Variants in FHIP2B observed in about 807,000 individuals in gnomAD.
FHIP2B encodes FHF complex subunit HOOK interacting protein 2B.
Under a neutral mutation model 84.0 loss-of-function variants are expected in FHIP2B, and 72 were observed. That is an observed-to-expected ratio of 0.86 (90% CI 0.71 to 1.04). FHIP2B has a LOEUF of 1.04. Among genes scored for constraint, FHIP2B ranks in the 50% least tolerant of loss-of-function variants. FHIP2B has a pLI of 0.00. For synonymous variants in FHIP2B, 497 were observed against 418.7 expected (o/e 1.19, Z -2.28); for missense variants, 972 against 968.9 (o/e 1.00, Z -0.04).
chr8:22,094,684 C>T, intron 2 of FHIP2B, 166 bp downstream of exon 2: 1 of 1,456,126 alleles, frequency 6.9e-7, no homozygotes, highest in Admixed American at 2.8e-5. Flanking sequence ...AGACCCAGAG[C>T]CCTGGGCCAC....
intron 4 of FHIP2B, 39 bp from the exon 5 acceptor site, chr8:22,097,678 A>G: frequency 1.2e-6 from 2 of 1,608,064 alleles, no homozygotes; most frequent in Non-Finnish European, 1.7e-6. Context: ...CTCCCCTGCC[A>G]CCCCTCTCCC....
intron 1 of FHIP2B, among the ~76,000 whole-genome samples, chr8:22,093,742 G>T (rs1279016315): frequency 8.4e-5 from 5 of 59,754 alleles, no homozygotes; most frequent in African/African-American, 1.4e-4. Flanking sequence ...TTTGAGATAG[G>T]GTCTCACCTT....
At chr8:22,100,993 T>G (rs1392142509) in intron 12 of FHIP2B, 21 bp downstream of exon 12, 2 of 1,609,676 alleles carry the variant, frequency 1.2e-6, no homozygotes, top group African/African-American at 2.7e-5. Context: ...AGTTAGGCAG[T>G]CTGAACCACT....
At chr8:22,098,757 T>TCCCCAGGGGACTTCTTGCC in intron 7 of FHIP2B, 138 bp downstream of exon 7, 2 of 1,043,586 alleles carry the variant, frequency 1.9e-6, no homozygotes, top group South Asian at 3.3e-5. Flanking sequence ...CTGCAGCTGA[T>TCCCCAGGGGACTTCTTGCC]CCCCAGGGGA....
At chr8:22,090,193 G>A (rs1276467837) in intron 1 of FHIP2B, among the ~76,000 whole-genome samples, 1 of 150,584 alleles carries the variant, frequency 6.6e-6, no homozygotes, top group Non-Finnish European at 1.5e-5. Flanking sequence ...CTGCCAAGAA[G>A]CTGTCTGTAA....
intron 9 of FHIP2B, 122 bp downstream of exon 9, chr8:22,099,482 T>C: frequency 8.4e-7 from 1 of 1,187,904 alleles, no homozygotes; most frequent in South Asian, 1.5e-5. Flanking sequence ...TGGACCCCAT[T>C]GGGTGATGTT....
Position 22,103,217 on chromosome 8 carries a change from T to TG in FHIP2B, c.*287dup. 7 of 450,102 alleles carry TG rather than the reference T, an allele frequency of 1.6e-5. No homozygotes were observed. The highest frequency in any genetic ancestry group is 2.4e-5 in the Non-Finnish European group (6 of 246,078). 27.9% of individuals were successfully genotyped at this position (450,102 alleles called of 1,614,324 possible). On this transcript the variant is annotated 3_prime_UTR_variant, in exon 17 of 17. Transcript: ENST00000289921. ...ACCCAGACCCCAGACCCTCATGTGC[T>TG]GTGTGCCTGGCCCCTTCTGTACTGG...
At chr8:22,094,699 C>T in intron 2 of FHIP2B, 181 bp downstream of exon 2, 1 of 1,425,404 alleles carries the variant, frequency 7.0e-7, no homozygotes, top group Non-Finnish European at 9.1e-7. Context: ...GGCCACTCCA[C>T]TCCTGATGAT....
Position 22,102,236 on chromosome 8 carries a change from C to A in FHIP2B, c.1913C>A (p.Pro638His), listed in dbSNP as rs769252990. ...TCCCGGCTTGCCCTCTTCCCCCACC[C>A]CCATATTCATGAGTACCTGCTGGAT... ...VLSRLALFPH[P>H]HIHEYLLDPY... The change falls in exon 15 of 17, where the codon CCC becomes CAC. Residue 638 changes from proline (P) to histidine (H), a missense_variant. Physicochemically the swap from Pro to His is moderately conservative, Grantham distance 77. Coordinates refer to ENST00000289921, the MANE Select transcript of FHIP2B (RefSeq NM_022749.7). The A allele has an allele frequency of 6.2e-7, 1 of 1,613,410 alleles. No individual in the cohort carries two copies. Among genetic ancestry groups the A allele is most frequent in the South Asian group, 1.1e-5 (1 of 91,088 alleles).
intron 1 of FHIP2B, 94 bp downstream of exon 1, chr8:22,089,392 G>C: frequency 1.4e-6 from 1 of 728,672 alleles, no homozygotes; most frequent in Non-Finnish European, 1.7e-6. Flanking sequence ...CAGGAGGGCG[G>C]GCGGGCGCGG....
At chr8:22,089,324 CCGCCGG>C in intron 1 of FHIP2B, 26 bp downstream of exon 1, 1 of 1,002,358 alleles carries the variant, frequency 1.0e-6, no homozygotes, top group Non-Finnish European at 1.2e-6. Flanking sequence ...CCGGGCCGGG[CCGCCGG>C]GAGTCGCGGG....
chr8:22,097,424 C>T, intron 3 of FHIP2B, 92 bp from the exon 4 acceptor site: 1 of 947,664 alleles, frequency 1.1e-6, no homozygotes, highest in Admixed American at 2.2e-5. Context: ...GGACACGGCT[C>T]TGACAGGCGC....
chr8:22,104,150 G>A lies in FHIP2B; in HGVS notation c.*1219G>A, dbSNP rs181518867. The A allele has an allele frequency of 1.6e-4, 24 of 152,532 alleles. No individual in the cohort carries two copies. Among genetic ancestry groups the A allele is most frequent in the Admixed American group, 3.9e-4 (6 of 15,306 alleles). The allele number at this position is 152,532 out of a possible 1,614,324, so 9.4% of individuals were successfully genotyped here. A position where few individuals can be genotyped will look rare whatever the true frequency, so the allele number is the denominator to read the frequency against. Reference sequence around the variant, plus strand: ...CTGCCTCTCCCACATTCCTCCCCGCGGGGGAGGACCTCGCCGCTCTGAAGA... The same window carrying A: ...CTGCCTCTCCCACATTCCTCCCCGCAGGGGAGGACCTCGCCGCTCTGAAGA... On this transcript the variant is annotated 3_prime_UTR_variant, in exon 17 of 17. Transcript: ENST00000289921.
chr8:22,101,278 C>T (rs1247232820), intron 12 of FHIP2B, 162 bp from the exon 13 acceptor site: 8 of 665,622 alleles, frequency 1.2e-5, no homozygotes, highest in Non-Finnish European at 2.0e-5. Context: ...CCACCTCAGC[C>T]TCCCAAAGTG....
At chr8:22,102,507 C>T (rs188787130) in intron 15 of FHIP2B, 21 bp from the exon 16 acceptor site, 8 of 1,551,498 alleles carry the variant, frequency 5.2e-6, no homozygotes, top group Non-Finnish European at 7.0e-6. Flanking sequence ...CCATCTGAGT[C>T]CCCTGTGATT....
At chr8:22,097,368 C>T (rs1232596020) in intron 3 of FHIP2B, 148 bp from the exon 4 acceptor site, 16 of 596,376 alleles carry the variant, frequency 2.7e-5, no homozygotes, top group South Asian at 1.8e-4. Flanking sequence ...CTCTGACAGG[C>T]GCTCTGTCCC....
chr8:22,100,417 C>A (rs897835258), intron 10 of FHIP2B, 177 bp from the exon 11 acceptor site: 4 of 574,864 alleles, frequency 7.0e-6, no homozygotes, highest in African/African-American at 5.8e-5. Context: ...ACCACCCAGA[C>A]TTCTGGATTC....
chr8:22,095,008 C>A, intron 2 of FHIP2B: 1 of 556,784 alleles, frequency 1.8e-6, no homozygotes, highest in Non-Finnish European at 2.3e-6. Context: ...TCTCTCCAAG[C>A]TGACACCCCA....
chr8:22,098,370 G>A, intron 6 of FHIP2B, 53 bp from the exon 7 acceptor site: 1 of 1,545,098 alleles, frequency 6.5e-7, no homozygotes, highest in Non-Finnish European at 8.8e-7. Flanking sequence ...ACGGCTGGGG[G>A]GTGATTTGGG....
Sources: gnomAD v4.1 joint callset for allele counts (sites outside exome capture counted in the v4.1 genomes callset) on GRCh38, gnomAD v4.1.1 for gene constraint, MANE v1.5 for transcripts, NCBI Gene and HGNC (gene_info 2026-07-23, HGNC 2026-07-21) for gene names.